Variants in SRRM4 observed in about 807,000 individuals in gnomAD.
The protein encoded by SRRM4 is serine/arginine repetitive matrix 4.
In SRRM4, 33 loss-of-function variants were observed where a neutral mutation model predicts 68.9. The observed-to-expected ratio is 0.48, with a 90% CI of 0.36 to 0.64. The LOEUF (loss-of-function observed/expected upper bound fraction) is 0.64. SRRM4 is among the 30% of genes least tolerant of loss of function. SRRM4 has a pLI of 0.00. For synonymous variants in SRRM4, 318 were observed against 318.8 expected, an observed-to-expected ratio of 1.00 and a Z score of 0.03; for missense variants, 817 against 827.1, an observed-to-expected ratio of 0.99 and a Z score of 0.15.
intron 1 of SRRM4, 56 bp downstream of exon 1, chr12:118,982,069 G>A (rs1479633779): frequency 2.1e-5 from 33 of 1,549,080 alleles, no homozygotes; most frequent in Middle Eastern, 1.7e-4. Context: ...TCTGGCCTGT[G>A]CCCCAGAGCC....
chr12:119,155,365 C>T (rs1370712098), intron 12 of SRRM4, among the ~76,000 whole-genome samples: 2 of 152,158 alleles, frequency 1.3e-5, no homozygotes, highest in East Asian at 1.9e-4. Context: ...AGGGATTCTC[C>T]CTGGAGATGA....
intron 8 of SRRM4, among the ~76,000 whole-genome samples, chr12:119,144,341 G>T (rs893369509): frequency 6.6e-6 from 1 of 152,142 alleles, no homozygotes; most frequent in Non-Finnish European, 1.5e-5. Context: ...GCTAGGTTAG[G>T]TCCCCTTTAT....
chr12:119,072,571 C>G (rs1024775962), intron 1 of SRRM4, among the ~76,000 whole-genome samples: 12 of 152,116 alleles, frequency 7.9e-5, no homozygotes, highest in Non-Finnish European at 1.6e-4. Context: ...ACTGTGTGCT[C>G]CGTGAGATAA....
chr12:119,118,451 C>T (rs917507123), intron 4 of SRRM4, among the ~76,000 whole-genome samples: 9 of 152,236 alleles, frequency 5.9e-5, no homozygotes, highest in Admixed American at 5.2e-4. Context: ...ATGACCACAT[C>T]TCAGTGCTGG....
chr12:119,117,070 G>T (rs1294946664), intron 4 of SRRM4, 62 bp downstream of exon 4: 25 of 1,318,808 alleles, frequency 1.9e-5, no homozygotes, highest in Non-Finnish European at 2.5e-5. Flanking sequence ...ACAGTTGATG[G>T]CACTAAAAGG....
chr12:119,116,348 G>A (rs4145139), intron 3 of SRRM4, among the ~76,000 whole-genome samples: 13,887 of 152,170 alleles, frequency 0.091, 785 homozygotes, highest in African/African-American at 0.15. Flanking sequence ...GGCACTATCC[G>A]TGCAGCCGCA....
intron 1 of SRRM4, among the ~76,000 whole-genome samples, chr12:119,068,587 T>C (rs893865878): frequency 6.6e-5 from 10 of 152,156 alleles, no homozygotes; most frequent in Non-Finnish European, 1.3e-4. Flanking sequence ...AGCCGCTGTT[T>C]CCATGGCTTG....
chr12:119,013,640 T>A (rs1449264395), intron 1 of SRRM4, among the ~76,000 whole-genome samples: 1 of 152,228 alleles, frequency 6.6e-6, no homozygotes, highest in Non-Finnish European at 1.5e-5. Flanking sequence ...TTTGGATTTT[T>A]AAAATATATG....
chr12:119,104,860 T>C (rs1565908994), intron 2 of SRRM4, among the ~76,000 whole-genome samples: 2 of 152,056 alleles, frequency 1.3e-5, no homozygotes, highest in Non-Finnish European at 2.9e-5. Flanking sequence ...AGGGTACATG[T>C]GCACATCATG....
At chr12:119,097,334 C>T (rs1159718414) in intron 1 of SRRM4, among the ~76,000 whole-genome samples, 1 of 152,200 alleles carries the variant, frequency 6.6e-6, no homozygotes, top group Non-Finnish European at 1.5e-5. Context: ...TTACTTGTAC[C>T]TCTGCTTCTT....
At chr12:119,145,119 T>C (rs1002891159) in intron 8 of SRRM4, among the ~76,000 whole-genome samples, 4 of 152,192 alleles carry the variant, frequency 2.6e-5, no homozygotes, top group African/African-American at 7.2e-5. Context: ...CTTTTTCTTT[T>C]GTTTAATCTG....
chr12:119,153,084 A>G (rs1954449458), intron 10 of SRRM4, among the ~76,000 whole-genome samples: 1 of 152,234 alleles, frequency 6.6e-6, no homozygotes, highest in African/African-American at 2.4e-5. Flanking sequence ...AATAATACAC[A>G]CAAAGCACTG....
intron 9 of SRRM4, 26 bp downstream of exon 9, chr12:119,145,711 G>A (rs761787270): frequency 4.1e-6 from 6 of 1,473,970 alleles, no homozygotes; most frequent in South Asian, 1.5e-5. Flanking sequence ...AGGGTCGGGG[G>A]TAGACGGTCT....
chr12:119,099,467 C>T (rs2136040855), intron 1 of SRRM4, among the ~76,000 whole-genome samples: 1 of 152,292 alleles, frequency 6.6e-6, no homozygotes, highest in African/African-American at 2.4e-5. Context: ...AATTTTTGAA[C>T]TTGCTATTCC....
intron 1 of SRRM4, among the ~76,000 whole-genome samples, chr12:119,049,549 C>A (rs1046489205): frequency 2.0e-5 from 3 of 152,090 alleles, no homozygotes; most frequent in Non-Finnish European, 4.4e-5. Flanking sequence ...GGCTATGGGG[C>A]AGAGAGTAGC....
chr12:119,145,578 C>T lies in SRRM4; in HGVS notation c.969C>T (p.Asn323=). ...GCTTGAGCAAGAGCCGGGAGCTCAA[C>T]AGTGGCAACACCTCTGATTCAGGGA... ...SGGLSKSREL[N]SGNTSDSGNS... The change falls in exon 9 of 13, where the codon AAC becomes AAT. Residue 323 remains asparagine (N), a synonymous_variant. Coordinates refer to ENST00000267260, the MANE Select transcript of SRRM4 (RefSeq NM_194286.4). 6.2e-7 allele frequency: 1 copy of T among 1,600,112 alleles called. No individual in the cohort carries two copies. Among genetic ancestry groups the T allele is most frequent in the Non-Finnish European group, 8.5e-7 (1 of 1,172,954 alleles).
At chr12:119,134,423 C>A (rs888470955) in intron 8 of SRRM4, among the ~76,000 whole-genome samples, 5 of 151,000 alleles carry the variant, frequency 3.3e-5, no homozygotes, top group African/African-American at 1.2e-4. Context: ...AAAAAACACT[C>A]TTCCTGAACT....
At chr12:119,029,408 G>A (rs1594034219) in intron 1 of SRRM4, among the ~76,000 whole-genome samples, 1 of 152,166 alleles carries the variant, frequency 6.6e-6, no homozygotes, top group East Asian at 1.9e-4. Flanking sequence ...TAAGAATTTG[G>A]ACCAATAGGT....
At chr12:119,145,797 G>T in intron 9 of SRRM4, 112 bp downstream of exon 9, 1 of 1,024,080 alleles carries the variant, frequency 9.8e-7, no homozygotes. Flanking sequence ...TTATTTGTAA[G>T]AGAGATGAAA....
Sources: gnomAD v4.1 joint callset for allele counts (sites outside exome capture counted in the v4.1 genomes callset) on GRCh38, gnomAD v4.1.1 for gene constraint, MANE v1.5 for transcripts, NCBI Gene and HGNC (gene_info 2026-07-23, HGNC 2026-07-21) for gene names.